Variants in SYNE2 observed in about 807,000 individuals in gnomAD.
The protein encoded by SYNE2 is spectrin repeat containing nuclear envelope protein 2.
Under a neutral mutation model 856.3 loss-of-function variants are expected in SYNE2, and 431 were observed. The ratio of observed to expected loss-of-function variants is 0.50; its 90% CI spans 0.47 to 0.55. The LOEUF (loss-of-function observed/expected upper bound fraction) is 0.55, where lower values mean the gene tolerates loss of function less well. Ranked by LOEUF, SYNE2 falls within the 20% of genes least tolerant of loss-of-function variation. The pLI, the probability that SYNE2 is intolerant of heterozygous loss-of-function variation, is 0.00. For synonymous variants in SYNE2, 2,923 were observed against 2,872.3 expected (o/e 1.02, Z -0.56); for missense variants, 8,129 against 8,023.2 (o/e 1.01, Z -0.50).
intron 14 of SYNE2, among the ~76,000 whole-genome samples, chr14:63,979,796 A>G (rs1212367844): frequency 1.3e-5 from 2 of 152,170 alleles, no homozygotes; most frequent in African/African-American, 4.8e-5. Context: ...GCTACTTGGG[A>G]GGCTGAGGCA....
At chr14:64,060,468 C>T (rs1043162726) in intron 49 of SYNE2, among the ~76,000 whole-genome samples, 20 of 152,134 alleles carry the variant, frequency 1.3e-4, no homozygotes, top group African/African-American at 2.4e-4. Flanking sequence ...GGAATGGGGG[C>T]CTCATGACTC....
chr14:64,071,146 TTTTG>T (rs1165660830), intron 52 of SYNE2, among the ~76,000 whole-genome samples: 14 of 152,286 alleles, frequency 9.2e-5, no homozygotes, highest in Admixed American at 2.0e-4. Flanking sequence ...TTTGTGGGTT[TTTTG>T]TTTGTTTGTT....
At chr14:63,891,331 G>A (rs949178570) in intron 1 of SYNE2, among the ~76,000 whole-genome samples, 4 of 152,218 alleles carry the variant, frequency 2.6e-5, no homozygotes, top group Non-Finnish European at 4.4e-5. Flanking sequence ...AAAGGATGAC[G>A]AAGTGTAGAG....
intron 92 of SYNE2, 61 bp from the exon 93 acceptor site, chr14:64,168,816 G>A: frequency 8.9e-7 from 1 of 1,126,662 alleles, no homozygotes; most frequent in South Asian, 1.3e-5. Flanking sequence ...GGAAATGTAG[G>A]TTCCGAGATT....
chr14:64,113,318 G>C (rs2097827327), intron 65 of SYNE2, 23 bp from the exon 66 acceptor site: 1 of 1,612,870 alleles, frequency 6.2e-7, no homozygotes, highest in Admixed American at 1.7e-5. Flanking sequence ...GGACTCCCTG[G>C]CTTATCTTTG....
chr14:64,030,947 G>T, intron 44 of SYNE2, 69 bp from the exon 45 acceptor site: 1 of 1,197,522 alleles, frequency 8.4e-7, no homozygotes, highest in Non-Finnish European at 1.2e-6. Flanking sequence ...AGTACTCTGT[G>T]ATTTACAAAA....
In SYNE2 at chr14:64,141,493, A is replaced by G. The variant is rs369096664; in HGVS notation, c.15129A>G (p.Gln5043=). The G allele has an allele frequency of 2.2e-5, 36 of 1,613,914 alleles. No individual in the cohort carries two copies. Among genetic ancestry groups the G allele is most frequent in the African/African-American group, 4.0e-5 (3 of 74,922 alleles). ...AAAAATGGACAATGCTCATAACTCA[A>G]CTTCCAGATATTCAAGAAAAACTTC... ...FEQKWTMLIT[Q]LPDIQEKLHQ... Residue 5043 remains glutamine (Q), a synonymous_variant, in exon 81 of 116, where the codon CAA becomes CAG. Coordinates refer to ENST00000555002, the MANE Select transcript of SYNE2 (RefSeq NM_182914.3).
At position 63,958,037 on chromosome 14, in the gene SYNE2, A is replaced by T. The variant is rs371789945; in HGVS notation, c.787+3122A>T. Among the ~76,000 whole-genome samples the T allele has an allele frequency of 2.1e-4, 32 of 152,218 alleles. No homozygotes were observed. In the South Asian group the frequency reaches 6.0e-3, roughly 29 times the overall value. ...AGCCTTGGCAACAGAGTGAGACTCC[A>T]TCTCAAAAAAAACAAAAAAAAAGCC... On this transcript the variant is annotated intron_variant, in intron 8 of 115. Transcript: ENST00000555002.
Position 64,141,456 on chromosome 14 carries a change from C to A in SYNE2, c.15092C>A (p.Ala5031Glu), listed in dbSNP as rs2098138765. 6.2e-7 allele frequency: 1 copy of A among 1,614,090 alleles called. No individual in the cohort carries two copies. Among genetic ancestry groups the A allele is most frequent in the Non-Finnish European group, 8.5e-7 (1 of 1,179,982 alleles). ...TDTATLRASL[A>E]QFEQKWTMLI... ...ACAGCTACACTGAGAGCTTCTTTAG[C>A]ACAGTTTGAACAAAAATGGACAATG... Residue 5031 changes from alanine (A) to glutamate (E), a missense_variant, in exon 81 of 116, where the codon GCA (alanine) becomes GAA (glutamate). Transcript: ENST00000555002.
At position 63,870,927 on chromosome 14, in the gene SYNE2, T is replaced by C. The variant is rs571858665; in HGVS notation, c.-52+17784T>C. On this transcript the variant is annotated intron_variant, in intron 1 of 115. Coordinates refer to ENST00000555002, the MANE Select transcript of SYNE2 (RefSeq NM_182914.3). ...CCAGGGGCATAAACAGGCAGACTCA[T>C]GATATCCCAGATTCATTTATTTTCC... Among the ~76,000 whole-genome samples, 896 of 152,336 alleles carry C rather than the reference T, an allele frequency of 5.9e-3. 11 individuals are homozygous for C. The highest frequency in any genetic ancestry group is 0.021 in the African/African-American group (858 of 41,580).
intron 2 of SYNE2, among the ~76,000 whole-genome samples, chr14:63,940,347 A>C (rs1177274627): frequency 6.6e-6 from 1 of 152,092 alleles, no homozygotes; most frequent in Non-Finnish European, 1.5e-5. Context: ...GAACCACAGC[A>C]CCGTGGTCCT....
chr14:64,114,499 T>C (rs117896110), intron 66 of SYNE2, among the ~76,000 whole-genome samples: 104 of 152,310 alleles, frequency 6.8e-4, no homozygotes, highest in Non-Finnish European at 1.3e-3. Flanking sequence ...AAGCCTGCCT[T>C]TGATCCACAG....
At position 64,175,060 on chromosome 14, in the gene SYNE2, C is replaced by T. The variant is rs371404598; in HGVS notation, c.17352C>T (p.Ile5784=). ...LKTKESVGRR[I]SQLQDSWKDM... ...CTAAAGAGTCTGTGGGTAGGAGAAT[C>T]AGTCAACTTCAGGACAGCTGGAAAG... Residue 5784 remains isoleucine, a synonymous_variant, in exon 95 of 116, where the codon ATC becomes ATT. Transcript: ENST00000555002. The T allele has an allele frequency of 4.3e-6, 7 of 1,614,048 alleles. No homozygotes were observed. In the African/African-American group the frequency reaches 9.3e-5, roughly 22 times the overall value.
intron 84 of SYNE2, 99 bp from the exon 85 acceptor site, chr14:64,152,465 T>A: frequency 8.5e-7 from 1 of 1,173,906 alleles, no homozygotes; most frequent in Middle Eastern, 2.2e-4. Flanking sequence ...TATAATCTAA[T>A]GACATTTTTA....
chr14:63,781,126 A>C (rs1566562214), intron 1 of SYNE2, among the ~76,000 whole-genome samples: 1 of 151,976 alleles, frequency 6.6e-6, no homozygotes, highest in Non-Finnish European at 1.5e-5. Flanking sequence ...AAAATACAAA[A>C]AATTAGCCAG....
At position 64,174,984 on chromosome 14, in the gene SYNE2, C is replaced by A; in HGVS notation, c.17276C>A (p.Ala5759Asp). The change falls in exon 95 of 116, where the codon GCC (alanine) becomes GAC (aspartate). Residue 5759 changes from alanine to aspartate, a missense_variant. Physicochemically the swap from Ala to Asp is moderately radical, Grantham distance 126. Coordinates refer to ENST00000555002, the MANE Select transcript of SYNE2 (RefSeq NM_182914.3). ...TTTCAAAGGAGGCGAACTACCTGTG[C>A]CCTAACCTTGGAAGCTGGAGAAAAG... ...IHFQRRRTTC[A>D]LTLEAGEKLL... The A allele has an allele frequency of 6.2e-7, 1 of 1,614,050 alleles. No individual in the cohort carries two copies. The highest frequency in any genetic ancestry group is 8.5e-7 in the Non-Finnish European group (1 of 1,179,992).
At position 64,065,465 on chromosome 14, in the gene SYNE2, G is replaced by C. The variant is rs1284212626; in HGVS notation, c.10246G>C (p.Glu3416Gln). 6.2e-7 allele frequency: 1 copy of C among 1,613,974 alleles called. No homozygotes were observed. Among genetic ancestry groups the C allele is most frequent in the Non-Finnish European group, 8.5e-7 (1 of 1,180,038 alleles). The change falls in exon 51 of 116, where the codon GAG (glutamate) becomes CAG (glutamine). Residue 3416 changes from glutamate to glutamine, a missense_variant. By Grantham distance (29) the Glu-to-Gln change is conservative. This residue lies in a region of SYNE2 where 5,410 missense variants were observed against 5,284.8 expected (regional missense o/e 1.02). Transcript: ENST00000555002. ...LVSNLISTKE[E>Q]LMKLRQILRL... is the part of the protein sequence containing the mutation. Reference sequence around the variant, plus strand: ...GTCAAATCTTATATCAACCAAAGAAGAGTTAATGAAACTACGACAGATCCT... The same window carrying C: ...GTCAAATCTTATATCAACCAAAGAACAGTTAATGAAACTACGACAGATCCT...
chr14:64,027,653 G>A lies in SYNE2; in HGVS notation c.6574G>A (p.Ala2192Thr). ...LKIYKKFLKK[A>T]QDLTSLLKEL... ...GATTTATAAGAAATTCCTCAAGAAA[G>A]CCCAAGATTTGACATCCTTGCTAAA... The change falls in exon 43 of 116, where the codon GCC becomes ACC. Residue 2192 changes from alanine to threonine, a missense_variant. Coordinates refer to ENST00000555002, the MANE Select transcript of SYNE2 (RefSeq NM_182914.3). The A allele has an allele frequency of 6.2e-7, 1 of 1,614,098 alleles. No homozygotes were observed. The highest frequency in any genetic ancestry group is 2.2e-5 in the East Asian group (1 of 44,862).
At chr14:63,910,139 T>C (rs563496633) in intron 2 of SYNE2, among the ~76,000 whole-genome samples, 14 of 152,362 alleles carry the variant, frequency 9.2e-5, no homozygotes, top group Middle Eastern at 3.4e-3. Flanking sequence ...GAACTATGTG[T>C]TTTAAAGTAA....
Sources: allele counts gnomAD v4.1 joint callset (sites outside exome capture counted in the v4.1 genomes callset), GRCh38; gene constraint gnomAD v4.1.1; regional missense constraint gnomAD v4.1.1; transcripts MANE v1.5; gene names NCBI Gene and HGNC (gene_info 2026-07-23, HGNC 2026-07-21).